KCNQ3: variants seen among roughly 807,000 people sequenced by gnomAD.
KCNQ3 encodes the protein potassium voltage-gated channel subfamily KQT member 3.
In KCNQ3, 30 loss-of-function variants were observed where a neutral mutation model predicts 92.5. That is an observed-to-expected ratio of 0.32 (90% CI 0.24 to 0.44). KCNQ3 has a LOEUF of 0.44. KCNQ3 is among the 20% of genes least tolerant of loss of function. KCNQ3 has a pLI of 1.00. For synonymous variants in KCNQ3, 450 were observed against 468.8 expected, an observed-to-expected ratio of 0.96 and a Z score of 0.52; for missense variants, 913 against 1,140.3, an observed-to-expected ratio of 0.80 and a Z score of 2.87.
chr8:132,249,867 A>T (rs185973368), intron 1 of KCNQ3, among the ~76,000 whole-genome samples: 121 of 152,206 alleles, frequency 7.9e-4, no homozygotes, highest in African/African-American at 2.8e-3. Context: ...CTGCTGGGGG[A>T]CCCAGTGCAC....
At chr8:132,315,734 T>C (rs1817722522) in intron 1 of KCNQ3, among the ~76,000 whole-genome samples, 1 of 152,210 alleles carries the variant, frequency 6.6e-6, no homozygotes, top group African/African-American at 2.4e-5. Context: ...GTGTCTGAAA[T>C]ATTTCTAATA....
At chr8:132,457,539 C>T (rs952723179) in intron 1 of KCNQ3, among the ~76,000 whole-genome samples, 4 of 152,128 alleles carry the variant, frequency 2.6e-5, no homozygotes, top group African/African-American at 9.7e-5. Flanking sequence ...AACACCAAGC[C>T]TTTGTCAGTG....
intron 1 of KCNQ3, among the ~76,000 whole-genome samples, chr8:132,379,679 C>T (rs2198985): frequency 0.073 from 11,091 of 152,164 alleles, 454 homozygotes; most frequent in South Asian, 0.15. Flanking sequence ...TAACAGGTCC[C>T]CTCAAATAGA....
intron 1 of KCNQ3, among the ~76,000 whole-genome samples, chr8:132,462,739 T>C (rs180966542): frequency 6.6e-6 from 1 of 152,310 alleles, no homozygotes; most frequent in Non-Finnish European, 1.5e-5. Flanking sequence ...ATTATACACA[T>C]CTGGCAGTGT....
intron 1 of KCNQ3, among the ~76,000 whole-genome samples, chr8:132,311,714 A>C (rs1274290722): frequency 1.3e-5 from 2 of 152,232 alleles, no homozygotes; most frequent in Admixed American, 6.5e-5. Flanking sequence ...CTTAAAGTCA[A>C]AGGAACTGAA....
intron 1 of KCNQ3, among the ~76,000 whole-genome samples, chr8:132,431,048 G>A (rs1199022167): frequency 6.6e-6 from 1 of 152,144 alleles, no homozygotes; most frequent in East Asian, 1.9e-4. Flanking sequence ...TTGTGTCTAA[G>A]AGCAGCTCCT....
intron 1 of KCNQ3, among the ~76,000 whole-genome samples, chr8:132,414,771 C>T (rs965277449): frequency 1.3e-5 from 2 of 152,268 alleles, no homozygotes; most frequent in South Asian, 2.1e-4. Flanking sequence ...AAACACTGTG[C>T]GTGATAGAAA....
rs144466566 is a variant in KCNQ3 at position 132,449,536 on chromosome 8, C to G, written c.386+30611G>C. ...CCTCCAGCTCAGCCACTCCCTTTTCCCACCTCTCTAGACCCCCACAGGAAA... is the reference window on the plus strand; with the variant it reads ...CCTCCAGCTCAGCCACTCCCTTTTCGCACCTCTCTAGACCCCCACAGGAAA... On this transcript the variant is annotated intron_variant, in intron 1 of 14. Transcript: ENST00000388996. Among the ~76,000 whole-genome samples the G allele has an allele frequency of 3.2e-3, 494 of 152,168 alleles. 3 individuals carry two copies. Among genetic ancestry groups the G allele is most frequent in the Non-Finnish European group, 5.8e-3 (394 of 68,002 alleles).
At chr8:132,319,628 G>A (rs1160326156) in intron 1 of KCNQ3, among the ~76,000 whole-genome samples, 3 of 152,148 alleles carry the variant, frequency 2.0e-5, no homozygotes, top group Non-Finnish European at 4.4e-5. Flanking sequence ...AAGAGTCATC[G>A]AGCTGCCACG....
At chr8:132,451,353 AAT>A (rs1821817164) in intron 1 of KCNQ3, among the ~76,000 whole-genome samples, 1 of 152,230 alleles carries the variant, frequency 6.6e-6, no homozygotes, top group Admixed American at 6.5e-5. Flanking sequence ...CTTTATTAGC[AAT>A]GTGAGAACAA....
At chr8:132,330,832 A>G (rs977408099) in intron 1 of KCNQ3, among the ~76,000 whole-genome samples, 6 of 152,168 alleles carry the variant, frequency 3.9e-5, no homozygotes, top group African/African-American at 1.4e-4. Flanking sequence ...CCCAGGCCAC[A>G]CTGGGCAGTC....
In KCNQ3 at chr8:132,170,999, T is replaced by C. The variant is rs958668365; in HGVS notation, c.1141-571A>G. On this transcript the variant is annotated intron_variant, in intron 7 of 14. Transcript: ENST00000388996. ...GCACCACTGCACTCCAACCTGGGTATAGAGTAAAAGACCCTGTCTCAAAAA... is the reference window on the plus strand; with the variant it reads ...GCACCACTGCACTCCAACCTGGGTACAGAGTAAAAGACCCTGTCTCAAAAA... Among the ~76,000 whole-genome samples, 18 of 152,060 alleles carry C rather than the reference T, an allele frequency of 1.2e-4. No homozygotes were observed. In the South Asian group the frequency reaches 1.5e-3, roughly 12 times the overall value.
At chr8:132,327,164 CA>C (rs748859660) in intron 1 of KCNQ3, among the ~76,000 whole-genome samples, 5 of 152,162 alleles carry the variant, frequency 3.3e-5, no homozygotes, top group Non-Finnish European at 7.4e-5. Flanking sequence ...GTGAATTTGA[CA>C]AATTTGTTCC....
At chr8:132,388,354 G>T (rs574306054) in intron 1 of KCNQ3, among the ~76,000 whole-genome samples, 1 of 152,224 alleles carries the variant, frequency 6.6e-6, no homozygotes, top group East Asian at 1.9e-4. Flanking sequence ...ACATTCTGAA[G>T]AATTAAACTA....
At chr8:132,291,516 C>T (rs1406835655) in intron 1 of KCNQ3, among the ~76,000 whole-genome samples, 1 of 152,192 alleles carries the variant, frequency 6.6e-6, no homozygotes, top group African/African-American at 2.4e-5. Context: ...TTTTATGCCT[C>T]TGCTAGACTT....
At chr8:132,247,767 C>A (rs1442937737) in intron 1 of KCNQ3, among the ~76,000 whole-genome samples, 1 of 151,028 alleles carries the variant, frequency 6.6e-6, no homozygotes, top group South Asian at 2.1e-4. Flanking sequence ...CACTGCACTC[C>A]AGCCTGGGCA....
At chr8:132,199,806 A>G (rs150356542) in intron 1 of KCNQ3, among the ~76,000 whole-genome samples, 546 of 151,682 alleles carry the variant, frequency 3.6e-3, no homozygotes, top group African/African-American at 0.013. Flanking sequence ...GCTATTCGGG[A>G]GGCTGAGGTA....
intron 1 of KCNQ3, among the ~76,000 whole-genome samples, chr8:132,374,387 G>A (rs1563884461): frequency 6.6e-6 from 1 of 152,190 alleles, no homozygotes; most frequent in African/African-American, 2.4e-5. Flanking sequence ...TGTCTTGCCT[G>A]AGGCTTTCCC....
chr8:132,249,217 G>A (rs1455207765), intron 1 of KCNQ3, among the ~76,000 whole-genome samples: 1 of 152,176 alleles, frequency 6.6e-6, no homozygotes, highest in African/African-American at 2.4e-5. Context: ...GACCCAAGCA[G>A]GTTGCCACTG....
Sources: gnomAD v4.1 joint callset for allele counts (sites outside exome capture counted in the v4.1 genomes callset) on GRCh38, gnomAD v4.1.1 for gene constraint, MANE v1.5 for transcripts, NCBI Gene and HGNC (gene_info 2026-07-23, HGNC 2026-07-21) for gene names.